The following ATP2B2 variants were observed in gnomAD, a reference collection of about 807,000 sequenced individuals.
ATP2B2 encodes the protein plasma membrane calcium-transporting ATPase 2.
Under a neutral mutation model 120.0 loss-of-function variants are expected in ATP2B2, and 15 were observed. The ratio of observed to expected loss-of-function variants is 0.12; its 90% CI spans 0.08 to 0.19. The LOEUF (loss-of-function observed/expected upper bound fraction) is 0.19, where lower values mean the gene tolerates loss of function less well. ATP2B2 is among the 10% of genes least tolerant of loss of function. The pLI is 1.00. For missense variants in ATP2B2, 1,045 were observed against 1,719.8 expected (o/e 0.61, Z 6.94); for synonymous variants, 694 against 700.3 (o/e 0.99, Z 0.14).
chr3:10,667,922 A>G (rs922524344), intron 1 of ATP2B2, among the ~76,000 whole-genome samples: 3 of 150,714 alleles, frequency 2.0e-5, no homozygotes, highest in Admixed American at 1.3e-4. Flanking sequence ...GAGGTAAAGA[A>G]CTCTGATCTA....
At chr3:10,463,466 C>T (rs957092418) in intron 1 of ATP2B2, among the ~76,000 whole-genome samples, 19 of 152,244 alleles carry the variant, frequency 1.2e-4, no homozygotes, top group South Asian at 4.1e-4. Flanking sequence ...ACGTGCCACA[C>T]TTTATAGGCA....
At chr3:10,628,545 G>A (rs1354167230) in intron 1 of ATP2B2, among the ~76,000 whole-genome samples, 1 of 152,236 alleles carries the variant, frequency 6.6e-6, no homozygotes, top group African/African-American at 2.4e-5. Flanking sequence ...AGGCCTCAAC[G>A]CAGGACATGT....
chr3:10,492,728 T>C (rs1575400656), intron 1 of ATP2B2, among the ~76,000 whole-genome samples: 1 of 152,176 alleles, frequency 6.6e-6, no homozygotes. Flanking sequence ...GAAAGGCAGG[T>C]GGATCAAGGC....
intron 1 of ATP2B2, among the ~76,000 whole-genome samples, chr3:10,492,388 T>C (rs1176533438): frequency 6.6e-6 from 1 of 152,166 alleles, no homozygotes; most frequent in Non-Finnish European, 1.5e-5. Context: ...AGCTGGAAAG[T>C]ACACAGTGGA....
At chr3:10,588,222 C>T (rs942574387) in intron 2 of ATP2B2, among the ~76,000 whole-genome samples, 16 of 152,198 alleles carry the variant, frequency 1.1e-4, no homozygotes, top group African/African-American at 2.7e-4. Flanking sequence ...GGCCTTTACT[C>T]GCTGGATGCC....
At chr3:10,671,867 C>T (rs182449753) in intron 1 of ATP2B2, among the ~76,000 whole-genome samples, 2 of 152,234 alleles carry the variant, frequency 1.3e-5, no homozygotes, top group East Asian at 1.9e-4. Context: ...GTCTGTACCC[C>T]GTAGGAAAGC....
intron 1 of ATP2B2, among the ~76,000 whole-genome samples, chr3:10,485,658 T>A (rs1212227176): frequency 6.6e-6 from 1 of 151,536 alleles, no homozygotes; most frequent in Non-Finnish European, 1.5e-5. Flanking sequence ...GGGAGTGGAG[T>A]GGGGAGAGAG....
At chr3:10,636,078 C>T (rs140163652) in intron 1 of ATP2B2, among the ~76,000 whole-genome samples, 1 of 152,186 alleles carries the variant, frequency 6.6e-6, no homozygotes, top group African/African-American at 2.4e-5. Flanking sequence ...CTCTGCCTGC[C>T]GACCCCACAG....
At position 10,565,645 on chromosome 3, in the gene ATP2B2, T is replaced by C. The variant is rs923098000; in HGVS notation, c.-414-31512A>G. ...CAGCTGCCTGAGGTCTGGGGTCCTG[T>C]GGCATTCATAGTTGGTCTTCAATGT... On this transcript the variant is annotated intron_variant, in intron 2 of 21. Coordinates refer to the ATP2B2 transcript ENST00000646379. Among the ~76,000 whole-genome samples, 3 of 152,160 alleles carry C rather than the reference T, an allele frequency of 2.0e-5. No homozygotes were observed. The East Asian group carries it at 5.8e-4, about 29-fold the overall frequency.
At chr3:10,636,929 C>T (rs2070037855) in intron 1 of ATP2B2, among the ~76,000 whole-genome samples, 1 of 152,140 alleles carries the variant, frequency 6.6e-6, no homozygotes, top group Admixed American at 6.5e-5. Flanking sequence ...GAAACTTACC[C>T]AAGTCCAGGG....
intron 8 of ATP2B2, among the ~76,000 whole-genome samples, chr3:10,379,612 G>A (rs2061475609): frequency 6.6e-6 from 1 of 152,338 alleles, no homozygotes; most frequent in African/African-American, 2.4e-5. Context: ...GTCTGCTGGA[G>A]GAGGCAGCAG....
intron 3 of ATP2B2, among the ~76,000 whole-genome samples, chr3:10,523,223 G>T (rs2067020993): frequency 6.6e-6 from 1 of 152,178 alleles, no homozygotes; most frequent in Non-Finnish European, 1.5e-5. Context: ...TCTCCATTTT[G>T]TAGATGGGAA....
chr3:10,620,374 AC>A (rs1335072593), intron 1 of ATP2B2, among the ~76,000 whole-genome samples: 2 of 152,178 alleles, frequency 1.3e-5, no homozygotes, highest in Non-Finnish European at 2.9e-5. Flanking sequence ...CAGGCTCTGG[AC>A]AAAGTCTGGG....
chr3:10,561,415 G>C (rs2067901318), intron 2 of ATP2B2, among the ~76,000 whole-genome samples: 1 of 152,216 alleles, frequency 6.6e-6, no homozygotes, highest in East Asian at 1.9e-4. Flanking sequence ...ATTTAAATAA[G>C]TGAATCCCTG....
intron 1 of ATP2B2, among the ~76,000 whole-genome samples, chr3:10,659,356 T>C (rs540841263): frequency 1.2e-3 from 185 of 152,220 alleles, no homozygotes; most frequent in African/African-American, 4.2e-3. Context: ...ACCCATCTCA[T>C]GTGCAGAGAC....
chr3:10,610,116 T>C (rs2069191193), intron 2 of ATP2B2, among the ~76,000 whole-genome samples: 1 of 138,866 alleles, frequency 7.2e-6, no homozygotes, highest in Non-Finnish European at 1.5e-5. Context: ...TATACACATA[T>C]ATGCATAAAT....
At position 10,552,038 on chromosome 3, in the gene ATP2B2, T is replaced by A. The variant is rs531546848; in HGVS notation, c.-414-17905A>T. 5.2e-4 allele frequency among the ~76,000 whole-genome samples: 79 copies of A among 152,340 alleles called. 2 individuals carry two copies. In the South Asian group the frequency reaches 0.016, roughly 31 times the overall value. On this transcript the variant is annotated intron_variant, in intron 2 of 21. Coordinates refer to the ATP2B2 transcript ENST00000646379. The stretch of plus-strand genomic sequence containing the variant: ...TCTGTAACACTGATTCCGAACAATG[T>A]CAAAAGTTGCATAAGGAACCTCACT...
At chr3:10,558,637 T>C (rs1450818053) in intron 2 of ATP2B2, among the ~76,000 whole-genome samples, 3 of 152,174 alleles carry the variant, frequency 2.0e-5, no homozygotes, top group African/African-American at 7.2e-5. Context: ...CTCAAGCCAA[T>C]AAGTGGAATA....
chr3:10,527,670 C>T (rs1559440746), intron 3 of ATP2B2, among the ~76,000 whole-genome samples: 1 of 152,236 alleles, frequency 6.6e-6, no homozygotes, highest in Non-Finnish European at 1.5e-5. Context: ...CTGCCCTGAA[C>T]TGGAGACCCA....
Sources: gnomAD v4.1 joint callset for allele counts (sites outside exome capture counted in the v4.1 genomes callset) on GRCh38, gnomAD v4.1.1 for gene constraint, MANE v1.5 for transcripts, NCBI Gene and HGNC (gene_info 2026-07-23, HGNC 2026-07-21) for gene names.